Variants in MNAT1 observed in about 807,000 individuals in gnomAD.
The protein encoded by MNAT1 is CDK-activating kinase assembly factor MAT1.
MNAT1 carries 43 observed loss-of-function variants against 42.0 expected under a neutral mutation model. That is an observed-to-expected ratio of 1.02 (90% confidence interval 0.80 to 1.32). The LOEUF (loss-of-function observed/expected upper bound fraction) is 1.32. MNAT1 is among the 40% of genes most tolerant of loss of function. The pLI, the probability that MNAT1 is intolerant of heterozygous loss-of-function variation, is 0.00. For synonymous variants in MNAT1, 118 were observed against 120.0 expected (o/e 0.98, Z 0.11); for missense variants, 306 against 350.4 (o/e 0.87, Z 1.01).
chr14:60,949,870 A>G (rs2036349611), intron 7 of MNAT1, among the ~76,000 whole-genome samples: 1 of 152,186 alleles, frequency 6.6e-6, no homozygotes, highest in Non-Finnish European at 1.5e-5. Context: ...CTGTGGGCCT[A>G]AGTATTAAAA....
chr14:60,889,993 A>G (rs1220117501), intron 7 of MNAT1, among the ~76,000 whole-genome samples: 1 of 152,222 alleles, frequency 6.6e-6, no homozygotes, highest in Non-Finnish European at 1.5e-5. Context: ...ACACTTTTAC[A>G]CTGTTGGTGG....
At chr14:60,944,862 T>G (rs945679657) in intron 7 of MNAT1, among the ~76,000 whole-genome samples, 16 of 152,226 alleles carry the variant, frequency 1.1e-4, no homozygotes, top group African/African-American at 3.9e-4. Flanking sequence ...TATTCATAGA[T>G]GTACAAATAA....
intron 3 of MNAT1, among the ~76,000 whole-genome samples, chr14:60,805,879 A>C (rs1025168840): frequency 6.6e-5 from 10 of 152,180 alleles, no homozygotes; most frequent in African/African-American, 2.2e-4. Context: ...TTTTCAATTC[A>C]TTTGGATAAA....
At chr14:60,853,552 G>A (rs1566795221) in intron 6 of MNAT1, among the ~76,000 whole-genome samples, 1 of 152,126 alleles carries the variant, frequency 6.6e-6, no homozygotes, top group Non-Finnish European at 1.5e-5. Flanking sequence ...TCTCTTGCCT[G>A]ATTGTCCTGG....
chr14:60,861,319 G>A (rs1271168979), intron 6 of MNAT1, among the ~76,000 whole-genome samples: 1 of 151,992 alleles, frequency 6.6e-6, no homozygotes, highest in African/African-American at 2.4e-5. Flanking sequence ...TTGGATATAG[G>A]GAGACTGTAT....
intron 5 of MNAT1, among the ~76,000 whole-genome samples, chr14:60,818,167 A>C (rs944513184): frequency 2.0e-5 from 3 of 152,012 alleles, no homozygotes; most frequent in Admixed American, 2.0e-4. Context: ...ATATATTAAA[A>C]TGTTTAACTG....
At chr14:60,866,422 C>A (rs1206493970) in intron 6 of MNAT1, among the ~76,000 whole-genome samples, 3 of 148,934 alleles carry the variant, frequency 2.0e-5, no homozygotes, top group African/African-American at 7.4e-5. Context: ...TTCTAGGTAA[C>A]ACTTTGATCT....
intron 3 of MNAT1, among the ~76,000 whole-genome samples, chr14:60,807,368 G>C (rs2032405093): frequency 6.6e-6 from 1 of 152,132 alleles, no homozygotes; most frequent in South Asian, 2.1e-4. Flanking sequence ...GGATAGAGCA[G>C]AGTTATTTAG....
At position 60,928,145 on chromosome 14, in the gene MNAT1, GT is replaced by G. The variant is rs370417627; in HGVS notation, c.810-40081del. On this transcript the variant is annotated intron_variant, in intron 7 of 7. Coordinates refer to ENST00000261245, the MANE Select transcript of MNAT1 (RefSeq NM_002431.4). ...CATAAGTATGTGGTTTTTGTGTCTG[GT>G]TTCTTTCATGTTTCTGAGGTTCATA... 5.5e-3 allele frequency among the ~76,000 whole-genome samples: 831 copies of G among 152,136 alleles called. 7 individuals carry two copies. Among genetic ancestry groups the G allele is most frequent in the South Asian group, 0.02 (95 of 4,824 alleles).
intron 3 of MNAT1, among the ~76,000 whole-genome samples, chr14:60,802,257 C>T (rs1332915641): frequency 6.6e-6 from 1 of 151,936 alleles, no homozygotes; most frequent in Non-Finnish European, 1.5e-5. Flanking sequence ...TTTTTGAGGT[C>T]TATTGCACAG....
At chr14:60,938,318 A>C (rs539123669) in intron 7 of MNAT1, among the ~76,000 whole-genome samples, 2 of 152,202 alleles carry the variant, frequency 1.3e-5, no homozygotes, top group Admixed American at 1.3e-4. Flanking sequence ...TTTCAAAGGG[A>C]ATGCTTCCAG....
At chr14:60,936,380 TC>T (rs1305000686) in intron 7 of MNAT1, among the ~76,000 whole-genome samples, 1 of 47,474 alleles carries the variant, frequency 2.1e-5, no homozygotes, top group African/African-American at 8.8e-5. Context: ...CCCTCCCCCC[TC>T]CCCCCACCCC....
In MNAT1 at chr14:60,796,212, T is replaced by G. The variant is rs1333376550; in HGVS notation, c.90-5T>G. 6.2e-7 allele frequency: 1 copy of G among 1,610,106 alleles called. No homozygotes were observed. Among genetic ancestry groups the G allele is most frequent in the Non-Finnish European group, 8.5e-7 (1 of 1,178,284 alleles). ...AAATGTTATGTTTTATTTCTGTCCT[T>G]ACAGCTGTGAAAGTTGTGTAGATTT... On this transcript the variant is annotated splice_region_variant and splice_polypyrimidine_tract_variant and intron_variant, in intron 1 of 7. Transcript: ENST00000261245.
At chr14:60,908,876 T>C (rs1191832497) in intron 7 of MNAT1, among the ~76,000 whole-genome samples, 3 of 152,246 alleles carry the variant, frequency 2.0e-5, no homozygotes, top group Non-Finnish European at 4.4e-5. Flanking sequence ...TTTCTAGTTC[T>C]AGATCCCTGA....
chr14:60,940,719 C>T (rs1250615015), intron 7 of MNAT1, among the ~76,000 whole-genome samples: 2 of 151,978 alleles, frequency 1.3e-5, no homozygotes, highest in Non-Finnish European at 2.9e-5. Context: ...ACCTGGCCGT[C>T]TGTCTCAAAG....
chr14:60,880,559 GA>G (rs1404851419), intron 7 of MNAT1, among the ~76,000 whole-genome samples: 4 of 151,610 alleles, frequency 2.6e-5, no homozygotes, highest in African/African-American at 7.2e-5. Flanking sequence ...AATATACTGT[GA>G]AAAAAAAGTG....
chr14:60,773,857 G>A (rs1389119681), intron 1 of MNAT1, among the ~76,000 whole-genome samples: 2 of 152,198 alleles, frequency 1.3e-5, no homozygotes, highest in African/African-American at 2.4e-5. Flanking sequence ...GCCTTCCAAA[G>A]CTTTTCAGAT....
At chr14:60,836,297 C>A (rs1396206588) in intron 6 of MNAT1, among the ~76,000 whole-genome samples, 1 of 152,112 alleles carries the variant, frequency 6.6e-6, no homozygotes, top group African/African-American at 2.4e-5. Flanking sequence ...AGTTGTGATC[C>A]TTTGGAGGAG....
intron 7 of MNAT1, among the ~76,000 whole-genome samples, chr14:60,967,478 C>T (rs1447935314): frequency 2.0e-5 from 3 of 152,070 alleles, no homozygotes; most frequent in Non-Finnish European, 4.4e-5. Context: ...TGCTAAGTTG[C>T]CCTTCTTTGG....
Sources: allele counts gnomAD v4.1 joint callset (sites outside exome capture counted in the v4.1 genomes callset), GRCh38; gene constraint gnomAD v4.1.1; transcripts MANE v1.5; gene names NCBI Gene and HGNC (gene_info 2026-07-23, HGNC 2026-07-21).